Variants in IRAK1BP1 observed in about 807,000 individuals in gnomAD.
IRAK1BP1 encodes the protein interleukin 1 receptor associated kinase 1 binding protein 1, also known as interleukin-1 receptor-associated kinase 1-binding protein 1.
In IRAK1BP1, 24 loss-of-function variants were observed where a neutral mutation model predicts 28.0. The ratio of observed to expected loss-of-function variants is 0.86; its 90% CI spans 0.62 to 1.20. IRAK1BP1 has a LOEUF of 1.20. Among genes scored for constraint, IRAK1BP1 ranks in the 50% most tolerant of loss-of-function variants. The pLI is 0.00. For synonymous variants in IRAK1BP1, 131 were observed against 116.3 expected, an observed-to-expected ratio of 1.13 and a Z score of -0.81; for missense variants, 336 against 316.7, an observed-to-expected ratio of 1.06 and a Z score of -0.46.
the IRAK1BP1 span, chr6:78,978,742 A>ATCTCATTCTAGATATTTGT: frequency 6.5e-7 from 1 of 1,546,378 alleles, no homozygotes; most frequent in Non-Finnish European, 8.9e-7. Context: ...ATTGTTAAGT[A>ATCTCATTCTAGATATTTGT]ATAATCAAAA....
chr6:78,893,348 A>C (rs1045075194), intron 2 of IRAK1BP1, among the ~76,000 whole-genome samples: 6 of 126,052 alleles, frequency 4.8e-5, no homozygotes, highest in East Asian at 4.6e-4. Context: ...ATATATATAT[A>C]TCAACGAAGA....
At chr6:78,971,002 T>C in the IRAK1BP1 span, 1 of 660,608 alleles carries the variant, frequency 1.5e-6, no homozygotes, top group Non-Finnish European at 2.5e-6. Flanking sequence ...CTAATAGAAA[T>C]TCTAATATTT....
At chr6:78,963,001 T>A in the IRAK1BP1 span, 6 of 1,054,170 alleles carry the variant, frequency 5.7e-6, no homozygotes, top group Non-Finnish European at 8.2e-6. Context: ...TGACTTAGGA[T>A]ATTGTGAAAA....
chr6:78,873,418 T>G (rs1770868176), intron 1 of IRAK1BP1, among the ~76,000 whole-genome samples: 1 of 152,154 alleles, frequency 6.6e-6, no homozygotes, highest in Non-Finnish European at 1.5e-5. Flanking sequence ...TCTGTATTTT[T>G]TTCTACCTTT....
intron 4 of IRAK1BP1, among the ~76,000 whole-genome samples, chr6:78,914,239 C>A (rs1371414083): frequency 2.0e-5 from 3 of 152,120 alleles, no homozygotes; most frequent in Admixed American, 2.0e-4. Context: ...TGCCTTTCAA[C>A]TGACAAGAAT....
intron 1 of IRAK1BP1, among the ~76,000 whole-genome samples, chr6:78,878,203 G>T (rs1388817109): frequency 6.6e-6 from 1 of 152,194 alleles, no homozygotes; most frequent in African/African-American, 2.4e-5. Flanking sequence ...CCTCAAGAGG[G>T]TCTCTGACCC....
chr6:78,920,713 G>C (rs1199500848), intron 4 of IRAK1BP1, among the ~76,000 whole-genome samples: 1 of 152,122 alleles, frequency 6.6e-6, no homozygotes, highest in Admixed American at 6.5e-5. Context: ...TACCATTCTT[G>C]AGATGGGCCC....
At chr6:78,928,571 G>T (rs1237081347) in intron 4 of IRAK1BP1, among the ~76,000 whole-genome samples, 1 of 152,102 alleles carries the variant, frequency 6.6e-6, no homozygotes, top group African/African-American at 2.4e-5. Context: ...AATAGCAATG[G>T]TGACAGTGTC....
At chr6:78,961,646 T>C in the IRAK1BP1 span, 1 of 1,597,348 alleles carries the variant, frequency 6.3e-7, no homozygotes, top group South Asian at 1.1e-5. Context: ...GGTGGAAAGA[T>C]CACCAGCTTT....
At chr6:78,958,367 A>G in the IRAK1BP1 span, 2 of 706,800 alleles carry the variant, frequency 2.8e-6, no homozygotes, top group South Asian at 4.1e-5. Flanking sequence ...TATTTTGGCT[A>G]CTCTTAAATG....
At chr6:78,959,273 C>G in the IRAK1BP1 span, among the ~76,000 whole-genome samples, 2 of 151,958 alleles carry the variant, frequency 1.3e-5, no homozygotes, top group Non-Finnish European at 1.5e-5. Context: ...AAAGAAAACA[C>G]TTAGAAAATC....
intron 4 of IRAK1BP1, among the ~76,000 whole-genome samples, chr6:78,932,668 C>T (rs1773091994): frequency 6.6e-6 from 1 of 152,082 alleles, no homozygotes; most frequent in Non-Finnish European, 1.5e-5. Flanking sequence ...ATCCACCCAC[C>T]TTGGACTCCT....
At chr6:78,932,581 G>A (rs558949454) in intron 4 of IRAK1BP1, among the ~76,000 whole-genome samples, 1 of 151,900 alleles carries the variant, frequency 6.6e-6, no homozygotes, top group South Asian at 2.1e-4. Context: ...ACCAAGCCTG[G>A]CTAATTTTTG....
chr6:78,902,767 TCTACATACATACATAC>T lies in IRAK1BP1; in HGVS notation c.*4434_*4449del. 2.9e-6 allele frequency: 1 copy of T among 348,150 alleles called. No individual in the cohort carries two copies. Among genetic ancestry groups the T allele is most frequent in the Admixed American group, 4.6e-5 (1 of 21,912 alleles). 21.6% of individuals were successfully genotyped at this position (348,150 alleles called of 1,614,324 possible). A position where few individuals can be genotyped will look rare whatever the true frequency, so the allele number is the denominator to read the frequency against. On this transcript the variant is annotated 3_prime_UTR_variant, in exon 4 of 4. Transcript: ENST00000369940. ...GCCTGGGTGACAAAGTGAGACTCCA[TCTACATACATACATAC>T]ATACATACATACATACATACATACA...
chr6:78,891,158 A>C (rs910598453), intron 2 of IRAK1BP1, among the ~76,000 whole-genome samples: 1 of 152,246 alleles, frequency 6.6e-6, no homozygotes, highest in East Asian at 1.9e-4. Context: ...AAGGACATGT[A>C]CAACTAAGAA....
At chr6:78,882,485 T>A (rs1451555854) in intron 1 of IRAK1BP1, among the ~76,000 whole-genome samples, 3 of 152,230 alleles carry the variant, frequency 2.0e-5, no homozygotes, top group African/African-American at 7.2e-5. Flanking sequence ...TTTGGAGTAG[T>A]GTCATGTGGA....
the IRAK1BP1 span, chr6:78,970,637 TCC>T: frequency 8.7e-6 from 5 of 574,742 alleles, no homozygotes; most frequent in Non-Finnish European, 1.5e-5. Flanking sequence ...ATTAAACACC[TCC>T]TACTCTCTAG....
At chr6:78,974,170 A>C in the IRAK1BP1 span, among the ~76,000 whole-genome samples, 1 of 152,124 alleles carries the variant, frequency 6.6e-6, no homozygotes. Context: ...AATTATAACA[A>C]ACTATCTCTC....
At position 78,898,150 on chromosome 6, in the gene IRAK1BP1, C is replaced by T; in HGVS notation, c.599C>T (p.Pro200Leu). ...CNLVGQTLGK[P>L]LLIKEEETKE... is the part of the protein sequence containing the mutation. ...CTTGTTGGCCAAACCTTAGGAAAAC[C>T]TTTACTAATCAAAGAAGAAGAAACA... The change falls in exon 4 of 4, where the codon CCT (proline) becomes CTT (leucine). Residue 200 changes from proline to leucine, a missense_variant. By Grantham distance (98) the Pro-to-Leu change is moderately conservative. Transcript: ENST00000369940. 6.2e-7 allele frequency: 1 copy of T among 1,613,698 alleles called. No homozygotes were observed.
Sources: allele counts gnomAD v4.1 joint callset (sites outside exome capture counted in the v4.1 genomes callset), GRCh38; gene constraint gnomAD v4.1.1; transcripts MANE v1.5; gene names NCBI Gene and HGNC (gene_info 2026-07-23, HGNC 2026-07-21).